Variants in RPH3AL observed in about 807,000 individuals in gnomAD.
The protein encoded by RPH3AL is rab effector Noc2.
Under a neutral mutation model 43.1 loss-of-function variants are expected in RPH3AL, and 38 were observed. The observed-to-expected ratio is 0.88, with a 90% CI of 0.68 to 1.15. RPH3AL has a LOEUF of 1.15. RPH3AL is among the 50% of genes most tolerant of loss of function. The pLI is 0.00. For missense variants in RPH3AL, 462 were observed against 423.2 expected (o/e 1.09, Z -0.81); for synonymous variants, 189 against 176.3 (o/e 1.07, Z -0.57).
chr17:241,418 C>A (rs931834255), intron 7 of RPH3AL, among the ~76,000 whole-genome samples: 14 of 152,068 alleles, frequency 9.2e-5, no homozygotes, highest in African/African-American at 2.7e-4. Flanking sequence ...AGTAAAAAAA[C>A]CTAGAAATTG....
intron 1 of RPH3AL, among the ~76,000 whole-genome samples, chr17:345,668 C>A (rs1271059084): frequency 1.3e-5 from 1 of 75,204 alleles, no homozygotes; most frequent in African/African-American, 3.1e-5. Context: ...CACGCGTGCT[C>A]CCCATCTGCG....
intron 5 of RPH3AL, among the ~76,000 whole-genome samples, chr17:310,067 C>T (rs2043605511): frequency 6.6e-6 from 1 of 152,152 alleles, no homozygotes; most frequent in South Asian, 2.1e-4. Context: ...CGACTGCTTC[C>T]CTCAAATGGT....
chr17:271,133 A>G (rs904262925), intron 6 of RPH3AL, among the ~76,000 whole-genome samples: 3 of 152,132 alleles, frequency 2.0e-5, no homozygotes, highest in Non-Finnish European at 4.4e-5. Flanking sequence ...CCATTGGTCT[A>G]TATCTCTGTT....
chr17:265,032 A>C (rs1555547502), intron 6 of RPH3AL, among the ~76,000 whole-genome samples: 1 of 152,224 alleles, frequency 6.6e-6, no homozygotes, highest in Non-Finnish European at 1.5e-5. Context: ...CCCAAAAAGT[A>C]GCTGGAAATA....
intron 6 of RPH3AL, among the ~76,000 whole-genome samples, chr17:269,034 A>G (rs571130790): frequency 1.3e-4 from 20 of 151,980 alleles, no homozygotes; most frequent in African/African-American, 3.4e-4. Context: ...GCCCGCCACC[A>G]CGCCTGGCTA....
chr17:272,588 C>T (rs1418745064), intron 6 of RPH3AL, among the ~76,000 whole-genome samples: 1 of 114,956 alleles, frequency 8.7e-6, no homozygotes, highest in Non-Finnish European at 1.6e-5. Flanking sequence ...GGGAACATCA[C>T]ACTCCAGGGA....
At chr17:329,884 A>T (rs1390992411) in intron 2 of RPH3AL, among the ~76,000 whole-genome samples, 3 of 152,172 alleles carry the variant, frequency 2.0e-5, no homozygotes, top group Non-Finnish European at 4.4e-5. Context: ...TTTTTCTTTG[A>T]TATTGCACCC....
intron 5 of RPH3AL, among the ~76,000 whole-genome samples, chr17:307,379 A>ACGGCAGGTCCATCCCG (rs1488712230): frequency 7.1e-6 from 1 of 139,930 alleles, no homozygotes; most frequent in African/African-American, 2.7e-5. Context: ...GGTCCATCCC[A>ACGGCAGGTCCATCCCG]CGGCAGGTCC....
intron 7 of RPH3AL, among the ~76,000 whole-genome samples, chr17:223,434 G>A (rs1287257615): frequency 6.6e-6 from 1 of 152,166 alleles, no homozygotes; most frequent in Non-Finnish European, 1.5e-5. Context: ...AACACTGGTG[G>A]TTACGGAGGA....
intron 8 of RPH3AL, 79 bp downstream of exon 8, chr17:219,544 A>ATG: frequency 1.9e-5 from 1 of 51,590 alleles, no homozygotes. Context: ...TTTTTTTTTG[A>ATG]GATGGAGTTT....
chr17:247,013 G>C, intron 7 of RPH3AL, 98 bp downstream of exon 7: 1 of 1,293,120 alleles, frequency 7.7e-7, no homozygotes, highest in Non-Finnish European at 1.1e-6. Context: ...CTCGTGGATG[G>C]AGGGTGCGGG....
intron 6 of RPH3AL, among the ~76,000 whole-genome samples, chr17:258,315 G>A (rs1030316363): frequency 6.6e-6 from 1 of 152,212 alleles, no homozygotes; most frequent in Non-Finnish European, 1.5e-5. Context: ...GTAAACGCTG[G>A]TTGAATGACT....
At chr17:284,776 T>C (rs2042865807) in intron 5 of RPH3AL, among the ~76,000 whole-genome samples, 2 of 152,288 alleles carry the variant, frequency 1.3e-5, no homozygotes, top group African/African-American at 2.4e-5. Context: ...AAAAATACCA[T>C]AGACTGAGTG....
chr17:258,291 A>T (rs2042112051), intron 6 of RPH3AL, among the ~76,000 whole-genome samples: 1 of 152,102 alleles, frequency 6.6e-6, no homozygotes, highest in Non-Finnish European at 1.5e-5. Context: ...CGCCTCACAC[A>T]TCGTAGGTGT....
intron 1 of RPH3AL, among the ~76,000 whole-genome samples, chr17:348,717 G>T (rs1290335333): frequency 6.6e-6 from 1 of 152,050 alleles, no homozygotes; most frequent in Non-Finnish European, 1.5e-5. Flanking sequence ...AATCACAGGC[G>T]CCCATCATCC....
chr17:271,090 G>A (rs1259635611), intron 6 of RPH3AL, among the ~76,000 whole-genome samples: 1 of 152,136 alleles, frequency 6.6e-6, no homozygotes, highest in Non-Finnish European at 1.5e-5. Context: ...GGTTGTAGAT[G>A]TGTGGTATTA....
intron 5 of RPH3AL, among the ~76,000 whole-genome samples, chr17:314,124 G>T (rs551343125): frequency 5.9e-5 from 9 of 152,184 alleles, no homozygotes; most frequent in Non-Finnish European, 8.8e-5. Context: ...AGGAGCACCT[G>T]TACTAACCGT....
chr17:231,379 C>T (rs1567567879), intron 7 of RPH3AL, among the ~76,000 whole-genome samples: 1 of 152,220 alleles, frequency 6.6e-6, no homozygotes, highest in African/African-American at 2.4e-5. Context: ...GGCCTGCCTG[C>T]CCCTTCCTGT....
At chr17:287,001 C>T (rs1234227813) in intron 5 of RPH3AL, among the ~76,000 whole-genome samples, 1 of 81,420 alleles carries the variant, frequency 1.2e-5, no homozygotes, top group African/African-American at 5.1e-5. Context: ...ACCCTCTCTC[C>T]ACCGTCAGAC....
Sources: allele counts gnomAD v4.1 joint callset (sites outside exome capture counted in the v4.1 genomes callset), GRCh38; gene constraint gnomAD v4.1.1; transcripts MANE v1.5; gene names NCBI Gene and HGNC (gene_info 2026-07-23, HGNC 2026-07-21).